The following DPYSL2 variants were observed in gnomAD, a reference collection of about 807,000 sequenced individuals.
The protein encoded by DPYSL2 is dihydropyrimidinase-related protein 2.
DPYSL2 carries 13 observed loss-of-function variants against 69.9 expected under a neutral mutation model. That is an observed-to-expected ratio of 0.19 (90% confidence interval 0.12 to 0.30). The LOEUF is 0.30. DPYSL2 is among the 10% of genes least tolerant of loss of function. The pLI, the probability that DPYSL2 is intolerant of heterozygous loss-of-function variation, is 1.00. For synonymous variants in DPYSL2, 326 were observed against 359.1 expected (o/e 0.91, Z 1.04); for missense variants, 587 against 918.9 (o/e 0.64, Z 4.67).
chr8:26,575,363 T>C (rs928526292), intron 1 of DPYSL2, among the ~76,000 whole-genome samples: 1 of 152,120 alleles, frequency 6.6e-6, no homozygotes, highest in African/African-American at 2.4e-5. Context: ...GTTTTTTTTT[T>C]CACCTTCATC....
intron 1 of DPYSL2, among the ~76,000 whole-genome samples, chr8:26,567,475 C>T (rs60708948): frequency 0.1 from 15,534 of 152,196 alleles, 873 homozygotes; most frequent in Non-Finnish European, 0.12. Flanking sequence ...CAAGGCCTTA[C>T]GGTGGGTGAT....
At position 26,647,717 on chromosome 8, in the gene DPYSL2, C is replaced by T. The variant is rs765277758; in HGVS notation, c.1513C>T (p.Arg505Cys). ...CTTCAACCTTTACCCCCGGAAAGGC[C>T]GCATTGCTGTGGGATCCGATGCCGA... Reference protein sequence around the residue: ...KVFNLYPRKGRIAVGSDADLV... With the variant: ...KVFNLYPRKGCIAVGSDADLV... Residue 505 changes from arginine (R) to cysteine (C), a missense_variant, in exon 11 of 14, where the codon CGC (arginine) becomes TGC (cysteine). By Grantham distance (180) the Arg-to-Cys change is radical. Around this residue, in one of 3 missense-constraint regions of DPYSL2, gnomAD observed 452 missense variants for 754.3 expected, o/e 0.60. Transcript: ENST00000521913. This position sits in a 1 kb window ranked among gnomAD's most constrained non-coding sequence, Gnocchi z 5.1. The T allele has an allele frequency of 8.7e-6, 14 of 1,614,030 alleles. No individual in the cohort carries two copies. Among genetic ancestry groups the T allele is most frequent in the Non-Finnish European group, 1.1e-5 (13 of 1,180,048 alleles).
rs552347807 is a variant in DPYSL2, at chr8:26,641,871, G to A, written c.1127-1568G>A. ...TTTGTGAAATTCCTGAGGCAGGAGG[G>A]GGCAGCTGTGCAGAGCCAGCTCTCA... is the stretch of plus-strand genomic sequence containing the variant. On this transcript the variant is annotated intron_variant, in intron 8 of 13. Transcript: ENST00000521913. This position sits in a 1 kb window ranked among gnomAD's most constrained non-coding sequence, Gnocchi z 4.1. 6.2e-4 allele frequency among the ~76,000 whole-genome samples: 94 copies of A among 152,330 alleles called. No individual in the cohort carries two copies. Among genetic ancestry groups the A allele is most frequent in the Non-Finnish European group, 1.1e-3 (76 of 68,018 alleles).
chr8:26,575,148 A>T (rs1055490556), intron 1 of DPYSL2, among the ~76,000 whole-genome samples: 48 of 152,186 alleles, frequency 3.2e-4, no homozygotes, highest in African/African-American at 1.1e-3. Context: ...TGGCCAGCCT[A>T]GTCTCTAATA....
At chr8:26,635,295 C>T (rs986990269) in intron 8 of DPYSL2, among the ~76,000 whole-genome samples, 4 of 152,304 alleles carry the variant, frequency 2.6e-5, no homozygotes, top group South Asian at 2.1e-4. Context: ...TGATTTCTGC[C>T]GGGGTATGTA....
intron 1 of DPYSL2, among the ~76,000 whole-genome samples, chr8:26,532,949 C>G (rs1263203945): frequency 6.6e-6 from 1 of 152,122 alleles, no homozygotes; most frequent in African/African-American, 2.4e-5. Flanking sequence ...AAACTGTTTC[C>G]CAAAGTGGCT....
At chr8:26,540,973 T>C (rs1310789592) in intron 1 of DPYSL2, among the ~76,000 whole-genome samples, 1 of 151,646 alleles carries the variant, frequency 6.6e-6, no homozygotes, top group Admixed American at 6.6e-5. Flanking sequence ...AAATTGTAAG[T>C]TGAACCATCA....
intron 7 of DPYSL2, among the ~76,000 whole-genome samples, chr8:26,634,005 T>C (rs2129939406): frequency 6.6e-6 from 1 of 152,352 alleles, no homozygotes; most frequent in South Asian, 2.1e-4. Flanking sequence ...AAACTCCACA[T>C]CACTGAATAT....
In DPYSL2 at chr8:26,533,585, A is replaced by T. The variant is rs1252679296; in HGVS notation, c.354+18906A>T. ...TCTAACTTCATTATTTTGCCTGTGGATGTCCAGTTGTCCCAGCTCCATTTA... is the reference window on the plus strand; with the variant it reads ...TCTAACTTCATTATTTTGCCTGTGGTTGTCCAGTTGTCCCAGCTCCATTTA... On this transcript the variant is annotated intron_variant, in intron 1 of 13. Coordinates refer to ENST00000521913, the MANE Select transcript of DPYSL2 (RefSeq NM_001197293.3). The surrounding 1 kb of genome is among the most constrained non-coding windows in gnomAD (Gnocchi z 4.8). Among the ~76,000 whole-genome samples the T allele has an allele frequency of 6.6e-6, 1 of 152,176 alleles. No homozygotes were observed. The highest frequency in any genetic ancestry group is 1.5e-5 in the Non-Finnish European group (1 of 68,028).
At chr8:26,542,734 A>G (rs1264721819) in intron 1 of DPYSL2, among the ~76,000 whole-genome samples, 1 of 152,134 alleles carries the variant, frequency 6.6e-6, no homozygotes, top group Non-Finnish European at 1.5e-5. Context: ...CCTAACTTTT[A>G]TTTTTAAAAA....
At chr8:26,556,432 A>T (rs1168252431) in intron 1 of DPYSL2, among the ~76,000 whole-genome samples, 1 of 125,898 alleles carries the variant, frequency 7.9e-6, no homozygotes, top group African/African-American at 3.0e-5. Context: ...CTATGTAATA[A>T]ATCCCGAAGA....
chr8:26,556,233 T>C (rs1563385177), intron 1 of DPYSL2, among the ~76,000 whole-genome samples: 1,387 of 10,718 alleles, frequency 0.13, 483 homozygotes, highest in East Asian at 0.31. Context: ...ATATATAGTA[T>C]TTATATAATA....
At chr8:26,551,452 AT>A (rs750967100) in intron 1 of DPYSL2, among the ~76,000 whole-genome samples, 11 of 152,204 alleles carry the variant, frequency 7.2e-5, no homozygotes, top group East Asian at 5.8e-4. Context: ...AACTGATAGA[AT>A]TTCAAGGAGA....
rs1801580160 is a variant in DPYSL2 at position 26,585,453 on chromosome 8, C to CT, written c.628+1473dup. Among the ~76,000 whole-genome samples the CT allele has an allele frequency of 6.6e-6, 1 of 152,140 alleles. No homozygotes were observed. The highest frequency in any genetic ancestry group is 2.4e-5 in the African/African-American group (1 of 41,432). The stretch of plus-strand genomic sequence containing the variant: ...CAGGAACAGCTCTCTCCTGTTTCAG[C>CT]TTTCTTGGCACCACTGAGAAAAGCC... On this transcript the variant is annotated intron_variant, in intron 3 of 13. Coordinates refer to ENST00000521913, the MANE Select transcript of DPYSL2 (RefSeq NM_001197293.3). This position sits in a 1 kb window ranked among gnomAD's most constrained non-coding sequence, Gnocchi z 4.0.
At chr8:26,572,861 A>G (rs1209465401) in intron 1 of DPYSL2, among the ~76,000 whole-genome samples, 3 of 152,200 alleles carry the variant, frequency 2.0e-5, no homozygotes, top group African/African-American at 7.2e-5. Flanking sequence ...TGAATGGAAG[A>G]AAAATCACAC....
chr8:26,606,463 A>G (rs1206052878), intron 3 of DPYSL2, among the ~76,000 whole-genome samples: 1 of 144,504 alleles, frequency 6.9e-6, no homozygotes, highest in Non-Finnish European at 1.5e-5. Flanking sequence ...TTAATAATAA[A>G]AGGATAACGA....
rs914051666 is a variant in DPYSL2 at position 26,650,580 on chromosome 8, A to G, written c.1597-1677A>G. On this transcript the variant is annotated intron_variant, in intron 11 of 13. Transcript: ENST00000521913. The surrounding 1 kb of genome is among the most constrained non-coding windows in gnomAD (Gnocchi z 5.3). ...TCACACAACTTCTGGATTTTACCGT[A>G]TCTGAGATGCCATCGATTTTAAGAT... Among the ~76,000 whole-genome samples the G allele has an allele frequency of 6.6e-6, 1 of 152,250 alleles. No homozygotes were observed. Among genetic ancestry groups the G allele is most frequent in the African/African-American group, 2.4e-5 (1 of 41,470 alleles).
chr8:26,515,302 G>C (rs1808261436), intron 1 of DPYSL2, among the ~76,000 whole-genome samples: 1 of 152,198 alleles, frequency 6.6e-6, no homozygotes, highest in Non-Finnish European at 1.5e-5. Context: ...AGTCACCCGA[G>C]GAAACCGAGA....
At position 26,634,782 on chromosome 8, in the gene DPYSL2, C is replaced by T. The variant is rs569990259; in HGVS notation, c.1008C>T (p.Val336=). ...CATGCTCTGCTGCTGTTTTGCAGGT[C>T]GAGGCCGAAGCCGTGAATCGTGCCA... The part of the protein sequence containing the change: ...EGHVLSRPEE[V]EAEAVNRAIT... The change falls in exon 8 of 14, where the codon GTC becomes GTT. Residue 336 remains valine, a splice_region_variant and synonymous_variant. Coordinates refer to ENST00000521913, the MANE Select transcript of DPYSL2 (RefSeq NM_001197293.3). 6.4e-5 allele frequency: 104 copies of T among 1,614,076 alleles called. 2 individuals are homozygous for T. Among genetic ancestry groups the T allele is most frequent in the Admixed American group, 5.8e-4 (35 of 60,020 alleles).
Sources: allele counts gnomAD v4.1 joint callset (sites outside exome capture counted in the v4.1 genomes callset), GRCh38; gene constraint gnomAD v4.1.1; regional missense constraint gnomAD v4.1.1; non-coding constraint Gnocchi (gnomAD v3.1); transcripts MANE v1.5; gene names NCBI Gene and HGNC (gene_info 2026-07-23, HGNC 2026-07-21).